Variants in BIVM observed in about 807,000 individuals in gnomAD.
BIVM encodes basic immunoglobulin-like variable motif-containing protein.
BIVM carries 31 observed loss-of-function variants against 61.4 expected under a neutral mutation model. The observed-to-expected ratio is 0.51, with a 90% CI of 0.38 to 0.68. The LOEUF is 0.68. BIVM is among the 30% of genes least tolerant of loss of function. The pLI is 0.00. For missense variants in BIVM, 526 were observed against 596.0 expected, an observed-to-expected ratio of 0.88 and a Z score of 1.22; for synonymous variants, 189 against 210.7, an observed-to-expected ratio of 0.90 and a Z score of 0.89.
At chr13:102,821,178 G>T in intron 5 of BIVM, 46 bp downstream of exon 5, 1 of 1,527,708 alleles carries the variant, frequency 6.5e-7, no homozygotes, top group Middle Eastern at 2.1e-4. Flanking sequence ...AAAGTAATTT[G>T]ATGTTGCTTT....
chr13:102,800,961 T>G (rs1394859029), intron 1 of BIVM, among the ~76,000 whole-genome samples: 1 of 152,214 alleles, frequency 6.6e-6, no homozygotes, highest in Admixed American at 6.5e-5. Context: ...TTTAGAGATG[T>G]TTGGTTCTCT....
chr13:102,839,525 A>C (rs1404000002), intron 10 of BIVM, 47 bp from the exon 11 acceptor site: 1 of 1,597,788 alleles, frequency 6.3e-7, no homozygotes, highest in African/African-American at 1.4e-5. Flanking sequence ...AAATTAGTAC[A>C]ATTAATTTCC....
In BIVM at chr13:102,801,155, C is replaced by G. The variant is rs142247440; in HGVS notation, c.-207+1634C>G. Among the ~76,000 whole-genome samples the G allele has an allele frequency of 3.8e-3, 586 of 152,240 alleles. 1 individual carries two copies. The highest frequency in any genetic ancestry group is 6.9e-3 in the Non-Finnish European group (467 of 68,016). ...ATTTTATAAATTTTTGCTTTGCATA[C>G]GAGCAAACCATATTTCTATTGCTTA... On this transcript the variant is annotated intron_variant, in intron 1 of 10. Transcript: ENST00000257336.
At chr13:102,820,863 A>G in intron 4 of BIVM, 174 bp from the exon 5 acceptor site, 1 of 582,628 alleles carries the variant, frequency 1.7e-6, no homozygotes. Flanking sequence ...CAGGTGATTT[A>G]TTGTTATTTT....
intron 2 of BIVM, among the ~76,000 whole-genome samples, chr13:102,806,809 C>G (rs1879128471): frequency 6.6e-6 from 1 of 151,808 alleles, no homozygotes; most frequent in African/African-American, 2.4e-5. Flanking sequence ...ACTTGGGAGG[C>G]TGAGGCAGGA....
At position 102,833,327 on chromosome 13, in the gene BIVM, G is replaced by GTTTTTTTTTTTTTTTTTTTTTTTTT. The variant is rs532303115; in HGVS notation, c.1035-1121_1035-1120insTTTTTTTTTTTTTTTTTTTTTTTTT. Among the ~76,000 whole-genome samples, 51 of 79,596 alleles carry GTTTTTTTTTTTTTTTTTTTTTTTTT rather than the reference G, an allele frequency of 6.4e-4. 12 individuals carry two copies. Among genetic ancestry groups the GTTTTTTTTTTTTTTTTTTTTTTTTT allele is most frequent in the Non-Finnish European group, 7.9e-4 (30 of 38,126 alleles). 52.2% of individuals were successfully genotyped at this position (79,596 alleles called of 152,430 possible). A position where few individuals can be genotyped will look rare whatever the true frequency, so the allele number is the denominator to read the frequency against. On this transcript the variant is annotated intron_variant, in intron 8 of 10. Transcript: ENST00000257336. ...TGGCTTGGTCATGGGGATAGGATGG[G>GTTTTTTTTTTTTTTTTTTTTTTTTT]TTTTTTTTTTTTTTTTTTGAGACAA...
At position 102,816,531 on chromosome 13, in the gene BIVM, G is replaced by A. The variant is rs768197432; in HGVS notation, c.582G>A (p.Arg194=). 141 of 1,585,160 alleles carry A rather than the reference G, an allele frequency of 8.9e-5. No individual in the cohort carries two copies. The highest frequency in any genetic ancestry group is 1.2e-4 in the Non-Finnish European group (139 of 1,169,990). Residue 194 remains arginine, a synonymous_variant, in exon 4 of 11, where the codon CGG becomes CGA. Transcript: ENST00000257336. ...CTCCTCTTGAAGATATTAAACAGCG[G>A]AAAGTATTAGACCTCAGACGATGGT... ...QHSPLEDIKQ[R]KVLDLRRWYC... is the part of the protein sequence containing the mutation.
intron 3 of BIVM, among the ~76,000 whole-genome samples, chr13:102,814,289 G>T (rs1241124404): frequency 6.6e-6 from 1 of 152,174 alleles, no homozygotes; most frequent in Non-Finnish European, 1.5e-5. Flanking sequence ...CTTTGATGTG[G>T]CTTCTTTCCC....
At chr13:102,822,282 C>A in intron 7 of BIVM, 123 bp downstream of exon 7, 1 of 861,540 alleles carries the variant, frequency 1.2e-6, no homozygotes, top group Non-Finnish European at 1.8e-6. Flanking sequence ...ATTATGTAAA[C>A]CCTCAGCACA....
chr13:102,814,547 AAAC>A (rs1430895357), intron 3 of BIVM, among the ~76,000 whole-genome samples: 17 of 152,174 alleles, frequency 1.1e-4, no homozygotes, highest in African/African-American at 1.7e-4. Flanking sequence ...GTGGCTGGGA[AAAC>A]TACTTAGGGA....
At chr13:102,817,981 G>A (rs1168770321) in intron 4 of BIVM, among the ~76,000 whole-genome samples, 1 of 152,166 alleles carries the variant, frequency 6.6e-6, no homozygotes, top group Non-Finnish European at 1.5e-5. Context: ...TCCAGTTGAG[G>A]TGAGGGGACT....
intron 8 of BIVM, among the ~76,000 whole-genome samples, chr13:102,833,421 G>A (rs981799475): frequency 2.1e-5 from 3 of 145,082 alleles, no homozygotes; most frequent in African/African-American, 7.6e-5. Context: ...TCGACCTCCT[G>A]GGCTTAAGTG....
chr13:102,808,048 A>C (rs1879221148), intron 3 of BIVM, among the ~76,000 whole-genome samples: 1 of 152,284 alleles, frequency 6.6e-6, no homozygotes, highest in African/African-American at 2.4e-5. Context: ...TGTTAATAAC[A>C]TGGCTAGAAT....
intron 2 of BIVM, among the ~76,000 whole-genome samples, chr13:102,805,594 C>G (rs565004706): frequency 1.3e-5 from 2 of 152,118 alleles, no homozygotes; most frequent in Non-Finnish European, 2.9e-5. Context: ...AGGGTATTTA[C>G]AAGTTGTGTG....
At position 102,821,737 on chromosome 13, in the gene BIVM, T is replaced by C. The variant is rs1880306438; in HGVS notation, c.702-6T>C. Reference sequence around the variant, plus strand: ...AAATGAAAGGCAATGAATGTTTCTTTTGTAGCCTTCCACCTATTACCCAAG... The same window carrying C: ...AAATGAAAGGCAATGAATGTTTCTTCTGTAGCCTTCCACCTATTACCCAAG... On this transcript the variant is annotated splice_region_variant and splice_polypyrimidine_tract_variant and intron_variant, in intron 5 of 10. Coordinates refer to ENST00000257336, the MANE Select transcript of BIVM (RefSeq NM_017693.4). The C allele has an allele frequency of 1.2e-6, 2 of 1,611,280 alleles. No homozygotes were observed. Among genetic ancestry groups the C allele is most frequent in the Non-Finnish European group, 1.7e-6 (2 of 1,179,316 alleles).
chr13:102,815,556 T>C (rs1044804765), intron 3 of BIVM, among the ~76,000 whole-genome samples: 2 of 152,210 alleles, frequency 1.3e-5, no homozygotes, highest in African/African-American at 4.8e-5. Flanking sequence ...ATGATGTGGT[T>C]ATTTCACATT....
chr13:102,817,280 T>C (rs1381275240), intron 4 of BIVM, among the ~76,000 whole-genome samples: 1 of 152,224 alleles, frequency 6.6e-6, no homozygotes, highest in Non-Finnish European at 1.5e-5. Context: ...CCTTTTAGTT[T>C]CCTAAATTAT....
chr13:102,814,466 GT>G (rs1401789939), intron 3 of BIVM, among the ~76,000 whole-genome samples: 1 of 152,166 alleles, frequency 6.6e-6, no homozygotes, highest in African/African-American at 2.4e-5. Context: ...AGAGGAAAGT[GT>G]GAGTACAGAC....
At chr13:102,809,524 T>G (rs1879333020) in intron 3 of BIVM, among the ~76,000 whole-genome samples, 1 of 152,244 alleles carries the variant, frequency 6.6e-6, no homozygotes, top group Admixed American at 6.5e-5. Flanking sequence ...GAAAGTGTCA[T>G]TCACATCTTT....
Sources: gnomAD v4.1 joint callset for allele counts (sites outside exome capture counted in the v4.1 genomes callset) on GRCh38, gnomAD v4.1.1 for gene constraint, MANE v1.5 for transcripts, NCBI Gene and HGNC (gene_info 2026-07-23, HGNC 2026-07-21) for gene names.